The following LHFPL3 variants were observed in gnomAD, a reference collection of about 807,000 sequenced individuals.
LHFPL3 encodes the protein LHFPL tetraspan subfamily member 3 protein.
Under a neutral mutation model 19.3 loss-of-function variants are expected in LHFPL3, and 5 were observed. The observed-to-expected ratio is 0.26, with a 90% CI of 0.14 to 0.54. LHFPL3 has a LOEUF of 0.54. Among genes scored for constraint, LHFPL3 ranks in the 20% least tolerant of loss-of-function variants. The pLI is 0.94. For synonymous variants in LHFPL3, 133 were observed against 126.2 expected (o/e 1.05, Z -0.36); for missense variants, 249 against 307.4 (o/e 0.81, Z 1.42).
intron 1 of LHFPL3, among the ~76,000 whole-genome samples, chr7:104,397,700 T>G (rs759965736): frequency 5.3e-5 from 8 of 152,162 alleles, no homozygotes; most frequent in Non-Finnish European, 8.8e-5. Flanking sequence ...CTCCTGAGTA[T>G]TTATTTACTA....
At chr7:104,335,193 T>C (rs916302635) in intron 1 of LHFPL3, among the ~76,000 whole-genome samples, 11 of 152,124 alleles carry the variant, frequency 7.2e-5, no homozygotes, top group Non-Finnish European at 1.3e-4. Flanking sequence ...TGCTGAGCAG[T>C]GTGAAAAAGT....
At chr7:104,831,781 G>A (rs1584562411) in intron 2 of LHFPL3, among the ~76,000 whole-genome samples, 1 of 148,362 alleles carries the variant, frequency 6.7e-6, no homozygotes, top group Non-Finnish European at 1.5e-5. Context: ...AGATAGTGTT[G>A]TTTTTGGAGC....
At chr7:104,425,180 T>C (rs940127446) in intron 1 of LHFPL3, among the ~76,000 whole-genome samples, 1 of 151,078 alleles carries the variant, frequency 6.6e-6, no homozygotes, top group Non-Finnish European at 1.5e-5. Flanking sequence ...GTTGGGATAA[T>C]GGGAATGAGA....
At chr7:104,529,539 C>T (rs1182845384) in intron 1 of LHFPL3, among the ~76,000 whole-genome samples, 4 of 152,100 alleles carry the variant, frequency 2.6e-5, no homozygotes, top group South Asian at 2.1e-4. Flanking sequence ...CTCCATGAAG[C>T]GCGATGAGAA....
intron 2 of LHFPL3, among the ~76,000 whole-genome samples, chr7:104,831,762 T>G (rs1790957869): frequency 6.9e-6 from 1 of 145,860 alleles, no homozygotes; most frequent in East Asian, 1.9e-4. Flanking sequence ...ATAACACATG[T>G]GTAATTGTAG....
chr7:104,374,734 G>C (rs1315813947), intron 1 of LHFPL3, among the ~76,000 whole-genome samples: 6 of 152,170 alleles, frequency 3.9e-5, no homozygotes, highest in Admixed American at 3.9e-4. Context: ...GGCATCAAAG[G>C]GACCAATGTT....
At chr7:104,855,111 G>T (rs1316914006) in intron 2 of LHFPL3, among the ~76,000 whole-genome samples, 3 of 152,214 alleles carry the variant, frequency 2.0e-5, no homozygotes, top group African/African-American at 7.2e-5. Context: ...CTGTTAAATT[G>T]GTTCTCATTA....
In LHFPL3 at chr7:104,328,656, C is replaced by T. The variant is rs2116336581; in HGVS notation, c.-124C>T. The stretch of plus-strand genomic sequence containing the variant: ...GATGCAGACTCTGAAACTGGTGCTG[C>T]TGGGCTGAGGCGGAGGCAGGGGAGT... On this transcript the variant is annotated 5_prime_UTR_variant, in exon 1 of 3. Transcript: ENST00000424859. This position sits in a 1 kb window ranked among gnomAD's most constrained non-coding sequence, Gnocchi z 4.6. 2 of 824,192 alleles carry T rather than the reference C, an allele frequency of 2.4e-6. No homozygotes were observed. The highest frequency in any genetic ancestry group is 3.8e-6 in the Non-Finnish European group (2 of 520,534). 51.1% of individuals were successfully genotyped at this position (824,192 alleles called of 1,614,324 possible).
intron 1 of LHFPL3, among the ~76,000 whole-genome samples, chr7:104,402,038 A>G (rs897601127): frequency 2.6e-5 from 4 of 152,142 alleles, no homozygotes; most frequent in Admixed American, 6.5e-5. Flanking sequence ...CAGAAGAGGA[A>G]TTATTTGGCA....
At chr7:104,527,758 A>T (rs1794218258) in intron 1 of LHFPL3, among the ~76,000 whole-genome samples, 1 of 152,188 alleles carries the variant, frequency 6.6e-6, no homozygotes, top group South Asian at 2.1e-4. Flanking sequence ...CACAATGGCC[A>T]TGCAGTCCAC....
intron 1 of LHFPL3, among the ~76,000 whole-genome samples, chr7:104,650,497 A>G (rs1200556873): frequency 6.6e-6 from 1 of 152,210 alleles, no homozygotes; most frequent in Admixed American, 6.5e-5. Context: ...AATGAGGAAT[A>G]TTAGGGAAAT....
intron 1 of LHFPL3, among the ~76,000 whole-genome samples, chr7:104,397,606 T>G (rs1791217492): frequency 6.6e-6 from 1 of 152,088 alleles, no homozygotes; most frequent in African/African-American, 2.4e-5. Context: ...CTGGGAGCAG[T>G]CTCTCCTCCC....
intron 1 of LHFPL3, among the ~76,000 whole-genome samples, chr7:104,332,584 T>C (rs1302112935): frequency 1.3e-5 from 2 of 152,194 alleles, no homozygotes; most frequent in Admixed American, 6.5e-5. Flanking sequence ...TCTTATGATA[T>C]TACAATATAA....
intron 2 of LHFPL3, among the ~76,000 whole-genome samples, chr7:104,806,008 G>T (rs1016519975): frequency 1.3e-5 from 2 of 152,204 alleles, no homozygotes; most frequent in African/African-American, 2.4e-5. Context: ...AAGAAGACAG[G>T]TGGTGCATTT....
intron 2 of LHFPL3, among the ~76,000 whole-genome samples, chr7:104,755,649 T>C (rs1256310888): frequency 6.6e-6 from 1 of 151,688 alleles, no homozygotes; most frequent in Non-Finnish European, 1.5e-5. Flanking sequence ...CAGTGACTAG[T>C]GTAGTATTAG....
At chr7:104,472,457 A>G (rs1792930688) in intron 1 of LHFPL3, among the ~76,000 whole-genome samples, 1 of 152,228 alleles carries the variant, frequency 6.6e-6, no homozygotes, top group African/African-American at 2.4e-5. Flanking sequence ...AAACAAGAAC[A>G]AAGAATAAAA....
At chr7:104,817,334 A>G (rs1288680178) in intron 2 of LHFPL3, among the ~76,000 whole-genome samples, 1 of 152,116 alleles carries the variant, frequency 6.6e-6, no homozygotes, top group Non-Finnish European at 1.5e-5. Context: ...TCAGCCCACA[A>G]GGGCCTCCTC....
chr7:104,431,985 C>T (rs1257921865), intron 1 of LHFPL3, among the ~76,000 whole-genome samples: 1 of 152,160 alleles, frequency 6.6e-6, no homozygotes, highest in Non-Finnish European at 1.5e-5. Context: ...TTCCCTACCC[C>T]ACTGGGCTTT....
At chr7:104,389,301 G>A (rs780109731) in intron 1 of LHFPL3, among the ~76,000 whole-genome samples, 22 of 152,020 alleles carry the variant, frequency 1.4e-4, no homozygotes, top group Non-Finnish European at 2.8e-4. Flanking sequence ...AAAATATTCA[G>A]AAATACATTC....
Sources: gnomAD v4.1 joint callset for allele counts (sites outside exome capture counted in the v4.1 genomes callset) on GRCh38, gnomAD v4.1.1 for gene constraint, Gnocchi (gnomAD v3.1) non-coding constraint, MANE v1.5 for transcripts, NCBI Gene and HGNC (gene_info 2026-07-23, HGNC 2026-07-21) for gene names.